ANK3: variants seen among roughly 807,000 people sequenced by gnomAD.
The protein encoded by ANK3 is ankyrin-3.
A neutral mutation model predicts 370.9 loss-of-function variants in ANK3; 57 were observed. The observed-to-expected ratio is 0.15, with a 90% CI of 0.12 to 0.19. ANK3 has a LOEUF of 0.19. Ranked by LOEUF, ANK3 falls within the 10% of genes least tolerant of loss-of-function variation. The pLI is 1.00. For synonymous variants in ANK3, 1,929 were observed against 1,946.3 expected (o/e 0.99, Z 0.23); for missense variants, 4,439 against 5,302.1 (o/e 0.84, Z 5.06).
Position 60,640,926 on chromosome 10 carries a change from G to A in ANK3, c.58-25702C>T, listed in dbSNP as rs1205691674. ...GCCCAAAATCTCCTTAAGCTGATAA[G>A]CAAAGTCTCAGGATACAAAATCAAT... On this transcript the variant is annotated intron_variant, in intron 1 of 43. Transcript: ENST00000373827. 6.2e-5 allele frequency among the ~76,000 whole-genome samples: 5 copies of A among 80,440 alleles called. 2 individuals are homozygous for A. Among genetic ancestry groups the A allele is most frequent in the African/African-American group, 2.0e-4 (5 of 24,744 alleles). The allele number at this position is 80,440 out of a possible 152,430, so 52.8% of individuals were successfully genotyped here. A position where few individuals can be genotyped will look rare whatever the true frequency, so the allele number is the denominator to read the frequency against.
At chr10:60,104,357 C>CAAAAAAAAA (rs747064489) in intron 28 of ANK3, among the ~76,000 whole-genome samples, 1 of 53,756 alleles carries the variant, frequency 1.9e-5, no homozygotes, top group Admixed American at 3.1e-4. Flanking sequence ...GACTCCATCT[C>CAAAAAAAAA]AAAAAAAAAA....
rs3045374 is a variant in ANK3 at position 60,129,749 on chromosome 10, T to TCA, written c.2841+4520_2841+4521dup. The stretch of plus-strand genomic sequence containing the variant: ...GCCTGAGTGATAGAGTGAGACTCTG[T>TCA]CACACACACACACACACACAAACAC... On this transcript the variant is annotated intron_variant, in intron 25 of 43. Transcript: ENST00000280772. Among the ~76,000 whole-genome samples the TCA allele has an allele frequency of 8.0e-4, 121 of 151,064 alleles. 1 individual carries two copies. The highest frequency in any genetic ancestry group is 1.4e-3 in the East Asian group (7 of 5,116).
intron 8 of ANK3, among the ~76,000 whole-genome samples, chr10:60,229,299 A>G (rs2097208184): frequency 6.6e-6 from 1 of 152,188 alleles, no homozygotes; most frequent in Non-Finnish European, 1.5e-5. Flanking sequence ...CACTATTTCT[A>G]ATGTTCTTGT....
rs564710626 is a variant in ANK3 at position 60,310,641 on chromosome 10, C to A, written c.115-31002G>T. Among the ~76,000 whole-genome samples, 21 of 152,260 alleles carry A rather than the reference C, an allele frequency of 1.4e-4. No individual in the cohort carries two copies. In the South Asian group the frequency reaches 3.7e-3, roughly 27 times the overall value. ...TGTGACGGTGCATTAAGAAGAAAAT[C>A]TAGACTTAGGAGCCGTAATGCCTAT... On this transcript the variant is annotated intron_variant, in intron 1 of 43. Transcript: ENST00000280772.
chr10:60,137,383 A>AAAAAAAC (rs1554985840), intron 24 of ANK3: 1 of 369,266 alleles, frequency 2.7e-6, no homozygotes, highest in Non-Finnish European at 5.3e-6. Flanking sequence ...GGAAAAAAAA[A>AAAAAAAC]AAAAAAAAAC....
rs1382697201 is a variant in ANK3, at chr10:60,084,833, G to A, written c.3846-3C>T. The A allele has an allele frequency of 2.0e-6, 3 of 1,516,428 alleles. No homozygotes were observed. Among genetic ancestry groups the A allele is most frequent in the Admixed American group, 2.4e-5 (1 of 42,128 alleles). The allele number at this position is 1,516,428 out of a possible 1,614,324, so 93.9% of individuals were successfully genotyped here. ...GATGGCAGTCTGCAAGCCAAAATCT[G>A]AGCAAAACAAAAAACAGAAGTATGA... On this transcript the variant is annotated splice_region_variant and splice_polypyrimidine_tract_variant and intron_variant, in intron 31 of 43. Transcript: ENST00000280772.
At chr10:60,043,253 A>T in intron 42 of ANK3, 1 of 985,654 alleles carries the variant, frequency 1.0e-6, no homozygotes, top group Non-Finnish European at 1.2e-6. Flanking sequence ...TCCTCTCTTC[A>T]CTGAGCATCA....
At chr10:60,399,813 T>C (rs1221138887) in intron 2 of ANK3, among the ~76,000 whole-genome samples, 1 of 152,216 alleles carries the variant, frequency 6.6e-6, no homozygotes, top group Non-Finnish European at 1.5e-5. Flanking sequence ...GAGGTGGTGA[T>C]ATCGCAACAC....
At chr10:60,635,865 A>C (rs1163195659) in intron 1 of ANK3, among the ~76,000 whole-genome samples, 1 of 152,186 alleles carries the variant, frequency 6.6e-6, no homozygotes, top group African/African-American at 2.4e-5. Context: ...GTAGAAATAG[A>C]CAAAGGCCAG....
intron 13 of ANK3, 113 bp downstream of exon 13, chr10:60,200,016 T>C: frequency 1.4e-6 from 1 of 736,754 alleles, no homozygotes; most frequent in Non-Finnish European, 2.2e-6. Flanking sequence ...TCATTGGAGG[T>C]TTTTCAATAT....
rs773968705 is a variant in ANK3, at chr10:60,205,770, C to T, written c.1293+22G>A. ...TATACTCTCAGTATCTCAGGACTCC[C>T]AGAAATCTTAACTCTTCTCACCTCG... On this transcript the variant is annotated intron_variant, in intron 11 of 43. Coordinates refer to ENST00000280772, the MANE Select transcript of ANK3 (RefSeq NM_020987.5). 5.1e-6 allele frequency: 8 copies of T among 1,576,920 alleles called. No homozygotes were observed. In the Admixed American group the frequency reaches 1.3e-4, roughly 26 times the overall value.
chr10:60,444,004 C>G (rs2133017179), intron 2 of ANK3, among the ~76,000 whole-genome samples: 1 of 152,052 alleles, frequency 6.6e-6, no homozygotes, highest in East Asian at 1.9e-4. Context: ...AGAGGCCCAC[C>G]TCAATGACGC....
intron 1 of ANK3, among the ~76,000 whole-genome samples, chr10:60,380,877 C>T (rs1163761867): frequency 6.6e-6 from 1 of 152,140 alleles, no homozygotes; most frequent in African/African-American, 2.4e-5. Context: ...TGAAGGTTAA[C>T]TAGCTATATG....
chr10:60,711,107 A>T (rs907851731), intron 1 of ANK3, among the ~76,000 whole-genome samples: 1 of 152,222 alleles, frequency 6.6e-6, no homozygotes, highest in African/African-American at 2.4e-5. Context: ...GGGACACATA[A>T]AATAACCATT....
chr10:60,725,558 A>G (rs939526730), intron 1 of ANK3, among the ~76,000 whole-genome samples: 18 of 152,276 alleles, frequency 1.2e-4, no homozygotes, highest in African/African-American at 4.3e-4. Flanking sequence ...TGGCTTTGCT[A>G]TTATACTTCT....
intron 2 of ANK3, among the ~76,000 whole-genome samples, chr10:60,535,268 A>G (rs1458503896): frequency 1.3e-5 from 2 of 152,078 alleles, no homozygotes; most frequent in Non-Finnish European, 1.5e-5. Flanking sequence ...TGAAACCAAT[A>G]TACTATATGA....
At chr10:60,348,367 A>AC (rs779742759) in intron 1 of ANK3, among the ~76,000 whole-genome samples, 65 of 126,218 alleles carry the variant, frequency 5.1e-4, no homozygotes, top group African/African-American at 1.4e-3. Flanking sequence ...AAAAAAAAAA[A>AC]AAACACAAAA....
chr10:60,350,857 G>T (rs1243960496), intron 1 of ANK3, among the ~76,000 whole-genome samples: 3 of 152,080 alleles, frequency 2.0e-5, no homozygotes, highest in Non-Finnish European at 4.4e-5. Context: ...GCCCACCATA[G>T]AGTTCCCTGT....
intron 1 of ANK3, among the ~76,000 whole-genome samples, chr10:60,668,550 A>G (rs749510686): frequency 5.1e-4 from 77 of 152,134 alleles, no homozygotes; most frequent in African/African-American, 9.7e-5. Context: ...AATCATAGGG[A>G]TATTACTCAT....
Sources: gnomAD v4.1 joint callset for allele counts (sites outside exome capture counted in the v4.1 genomes callset) on GRCh38, gnomAD v4.1.1 for gene constraint, MANE v1.5 for transcripts, NCBI Gene and HGNC (gene_info 2026-07-23, HGNC 2026-07-21) for gene names.